The following FSTL5 variants were observed in gnomAD, a reference collection of about 807,000 sequenced individuals.
The protein encoded by FSTL5 is follistatin like 5, also known as follistatin-related protein 5.
A neutral mutation model predicts 89.1 loss-of-function variants in FSTL5; 62 were observed. That is an observed-to-expected ratio of 0.70 (90% confidence interval 0.57 to 0.86). The LOEUF is 0.86. FSTL5 is among the 40% of genes least tolerant of loss of function. The probability of loss-of-function intolerance (pLI) is 0.00; values close to 1 mark genes in which losing one functional copy is unlikely to be tolerated. For missense variants in FSTL5, 1,057 were observed against 1,001.6 expected, an observed-to-expected ratio of 1.06 and a Z score of -0.75; for synonymous variants, 383 against 346.2, an observed-to-expected ratio of 1.11 and a Z score of -1.18.
At chr4:161,875,495 G>T (rs1374398905) in intron 4 of FSTL5, among the ~76,000 whole-genome samples, 1 of 152,090 alleles carries the variant, frequency 6.6e-6, no homozygotes, top group Non-Finnish European at 1.5e-5. Context: ...TACCACTTCA[G>T]TTTCATGAGA....
intron 2 of FSTL5, among the ~76,000 whole-genome samples, chr4:162,106,895 A>C (rs1346312490): frequency 1.3e-5 from 2 of 152,236 alleles, no homozygotes; most frequent in African/African-American, 4.8e-5. Context: ...GGAATACTTA[A>C]GTAGCCCCCA....
At chr4:162,145,530 T>A (rs905971346) in intron 1 of FSTL5, among the ~76,000 whole-genome samples, 2 of 152,180 alleles carry the variant, frequency 1.3e-5, no homozygotes, top group South Asian at 4.1e-4. Flanking sequence ...ATGAAGTTAT[T>A]AAAAACAAAC....
intron 4 of FSTL5, among the ~76,000 whole-genome samples, chr4:161,912,084 T>A (rs955174406): frequency 1.8e-4 from 28 of 152,204 alleles, no homozygotes; most frequent in African/African-American, 6.8e-4. Flanking sequence ...TCTAGAACAT[T>A]TTATCCTCAA....
intron 6 of FSTL5, among the ~76,000 whole-genome samples, chr4:161,677,627 C>T (rs1050252980): frequency 2.0e-5 from 3 of 151,980 alleles, no homozygotes; most frequent in Non-Finnish European, 4.4e-5. Context: ...CATGTTGCTT[C>T]TGTGTGAGAA....
chr4:161,585,731 A>G (rs1223642034), intron 8 of FSTL5, among the ~76,000 whole-genome samples: 2 of 152,094 alleles, frequency 1.3e-5, no homozygotes, highest in Non-Finnish European at 2.9e-5. Flanking sequence ...GAGGGTGAGG[A>G]CCAGACATGC....
At chr4:161,818,107 C>G (rs1451145007) in intron 4 of FSTL5, among the ~76,000 whole-genome samples, 3 of 152,140 alleles carry the variant, frequency 2.0e-5, no homozygotes, top group Non-Finnish European at 2.9e-5. Context: ...TGGAGAGGAG[C>G]ACATCAGCGG....
At chr4:161,455,941 C>G (rs1166418745) in intron 14 of FSTL5, among the ~76,000 whole-genome samples, 2 of 152,284 alleles carry the variant, frequency 1.3e-5, no homozygotes, top group South Asian at 2.1e-4. Flanking sequence ...TAAAGTAATT[C>G]TCCCTCAAGA....
intron 6 of FSTL5, among the ~76,000 whole-genome samples, chr4:161,703,540 C>A (rs143274084): frequency 6.6e-6 from 1 of 152,016 alleles, no homozygotes; most frequent in African/African-American, 2.4e-5. Context: ...CCCTTTCCAT[C>A]GATGTAGTTT....
At chr4:162,146,770 C>CTCTCTCTCTCTCTT (rs754279568) in intron 1 of FSTL5, among the ~76,000 whole-genome samples, 17,846 of 142,736 alleles carry the variant, frequency 0.13, 1,576 homozygotes, top group Non-Finnish European at 0.18. Flanking sequence ...CTCTCTCTCT[C>CTCTCTCTCTCTCTT]TCTTTCTTTC....
intron 4 of FSTL5, among the ~76,000 whole-genome samples, chr4:161,797,613 G>C (rs1038557290): frequency 6.6e-6 from 1 of 151,382 alleles, no homozygotes; most frequent in Non-Finnish European, 1.5e-5. Context: ...CAATTATAAT[G>C]TACATGAACC....
chr4:161,940,163 G>T (rs1333123817), intron 3 of FSTL5, among the ~76,000 whole-genome samples: 1 of 151,604 alleles, frequency 6.6e-6, no homozygotes, highest in Non-Finnish European at 1.5e-5. Flanking sequence ...TTATTTTCAG[G>T]ATTTTAAAAG....
In FSTL5 at chr4:161,481,181, G is replaced by T. The variant is rs780548133; in HGVS notation, c.1459-12C>A. ...GGACAGACTTCATCCTGTAATTTAGGAAAGAGAAAATGAAATTTATACCTT... is the reference window on the plus strand; with the variant it reads ...GGACAGACTTCATCCTGTAATTTAGTAAAGAGAAAATGAAATTTATACCTT... On this transcript the variant is annotated splice_polypyrimidine_tract_variant and intron_variant, in intron 12 of 15. Transcript: ENST00000306100. 9 of 1,582,624 alleles carry T rather than the reference G, an allele frequency of 5.7e-6. No individual in the cohort carries two copies. The South Asian group carries it at 1.1e-4, about 19-fold the overall frequency.
chr4:161,399,980 A>G (rs1194855125), intron 15 of FSTL5, among the ~76,000 whole-genome samples: 1 of 152,134 alleles, frequency 6.6e-6, no homozygotes, highest in Non-Finnish European at 1.5e-5. Context: ...TTAACTTCTT[A>G]TAATAGATTT....
At chr4:161,391,904 C>A (rs1730834526) in intron 15 of FSTL5, among the ~76,000 whole-genome samples, 1 of 152,152 alleles carries the variant, frequency 6.6e-6, no homozygotes, top group Admixed American at 6.5e-5. Context: ...GCTATTCTCC[C>A]ACCTGAATAA....
chr4:161,568,956 G>A (rs1219709932), intron 8 of FSTL5, among the ~76,000 whole-genome samples: 3 of 152,136 alleles, frequency 2.0e-5, no homozygotes, highest in Non-Finnish European at 4.4e-5. Flanking sequence ...TTTCTATAAA[G>A]AGAGGCTTGT....
chr4:161,826,685 T>C (rs1730679942), intron 4 of FSTL5, among the ~76,000 whole-genome samples: 1 of 152,210 alleles, frequency 6.6e-6, no homozygotes, highest in Admixed American at 6.5e-5. Flanking sequence ...TTGAAGTTTG[T>C]TTTGTCTGAC....
intron 6 of FSTL5, among the ~76,000 whole-genome samples, chr4:161,752,229 ATAG>A (rs1740420604): frequency 3.7e-5 from 3 of 81,756 alleles, no homozygotes; most frequent in African/African-American, 1.1e-4. Flanking sequence ...AGATGGACAG[ATAG>A]ATAGATAGAT....
At chr4:161,760,578 GCA>G (rs1240232350) in intron 5 of FSTL5, among the ~76,000 whole-genome samples, 1 of 152,042 alleles carries the variant, frequency 6.6e-6, no homozygotes, top group African/African-American at 2.4e-5. Flanking sequence ...ACACACACAT[GCA>G]CACACAGAGT....
intron 3 of FSTL5, among the ~76,000 whole-genome samples, chr4:161,944,944 A>G (rs1323366463): frequency 1.3e-5 from 2 of 151,898 alleles, no homozygotes; most frequent in Non-Finnish European, 2.9e-5. Flanking sequence ...ATAAAGTGAT[A>G]TTTATATTTT....
Sources: allele counts gnomAD v4.1 joint callset (sites outside exome capture counted in the v4.1 genomes callset), GRCh38; gene constraint gnomAD v4.1.1; transcripts MANE v1.5; gene names NCBI Gene and HGNC (gene_info 2026-07-23, HGNC 2026-07-21).